Variants in LAMA2 observed in about 807,000 individuals in gnomAD.
LAMA2 encodes the protein laminin subunit alpha 2.
LAMA2 carries 269 observed loss-of-function variants against 364.8 expected under a neutral mutation model. That is an observed-to-expected ratio of 0.74 (90% CI 0.67 to 0.82). The LOEUF (loss-of-function observed/expected upper bound fraction) is 0.82, where lower values mean the gene tolerates loss of function less well. Ranked by LOEUF, LAMA2 falls within the 40% of genes least tolerant of loss-of-function variation. The pLI is 0.00. For missense variants in LAMA2, 3,807 were observed against 3,873.2 expected (o/e 0.98, Z 0.45); for synonymous variants, 1,379 against 1,370.6 (o/e 1.01, Z -0.14).
At chr6:128,976,453 A>G (rs1782535446) in intron 1 of LAMA2, among the ~76,000 whole-genome samples, 1 of 152,172 alleles carries the variant, frequency 6.6e-6, no homozygotes, top group Non-Finnish European at 1.5e-5. Context: ...GGGAAATGGG[A>G]GGTAACATCC....
chr6:129,177,152 C>T (rs1335873600), intron 9 of LAMA2, among the ~76,000 whole-genome samples: 4 of 152,104 alleles, frequency 2.6e-5, no homozygotes, highest in East Asian at 1.9e-4. Flanking sequence ...ACTTTTCATT[C>T]CCCTCATCTA....
intron 22 of LAMA2, among the ~76,000 whole-genome samples, chr6:129,307,613 T>C (rs1386972089): frequency 6.6e-6 from 1 of 152,230 alleles, no homozygotes; most frequent in Non-Finnish European, 1.5e-5. Flanking sequence ...CACAGTCCTG[T>C]GCTTCCTATA....
chr6:129,509,779 C>T (rs915903963), intron 62 of LAMA2, among the ~76,000 whole-genome samples: 1 of 151,976 alleles, frequency 6.6e-6, no homozygotes, highest in Non-Finnish European at 1.5e-5. Context: ...ATTTGAAGTC[C>T]GGTAATGTAA....
rs558585755 is a variant in LAMA2 at position 129,473,399 on chromosome 6, G to A, written c.7439+47G>A. ...GCTAAGGATTAAGTTTTAATTAAATGACCACTATGCTCACTAGAGTTCTGA... is the reference window on the plus strand; with the variant it reads ...GCTAAGGATTAAGTTTTAATTAAATAACCACTATGCTCACTAGAGTTCTGA... On this transcript the variant is annotated intron_variant, in intron 52 of 64. Transcript: ENST00000421865. The A allele has an allele frequency of 3.4e-5, 53 of 1,549,514 alleles. 2 individuals are homozygous for A. In the South Asian group the frequency reaches 5.6e-4, roughly 16 times the overall value.
intron 29 of LAMA2, among the ~76,000 whole-genome samples, chr6:129,340,444 G>A (rs538643824): frequency 2.1e-4 from 32 of 152,022 alleles, no homozygotes; most frequent in Non-Finnish European, 4.4e-4. Context: ...GACAAAGGAC[G>A]GAAACAAATG....
chr6:129,409,751 A>G (rs895657053), intron 40 of LAMA2, among the ~76,000 whole-genome samples: 1 of 152,178 alleles, frequency 6.6e-6, no homozygotes, highest in Non-Finnish European at 1.5e-5. Context: ...TGACACCTCA[A>G]GGACTATTGG....
At chr6:129,012,120 C>G (rs940392562) in intron 1 of LAMA2, among the ~76,000 whole-genome samples, 7 of 152,072 alleles carry the variant, frequency 4.6e-5, no homozygotes, top group Admixed American at 6.5e-5. Context: ...TTCTGCAAAG[C>G]AAAGATAATA....
In LAMA2 at chr6:129,149,112, G is replaced by T. The variant is rs1778648899; in HGVS notation, c.1027+16G>T. ...GAATGTGAAGGTATGTTCTTTAGAA[G>T]CCAACAAAATATGTCATTCTTCCTT... On this transcript the variant is annotated intron_variant, in intron 7 of 64. Coordinates refer to ENST00000421865, the MANE Select transcript of LAMA2 (RefSeq NM_000426.4). 2 of 1,444,744 alleles carry T rather than the reference G, an allele frequency of 1.4e-6. No individual in the cohort carries two copies. Among genetic ancestry groups the T allele is most frequent in the South Asian group, 1.1e-5 (1 of 87,612 alleles). 89.5% of individuals were successfully genotyped at this position (1,444,744 alleles called of 1,614,324 possible). A position where few individuals can be genotyped will look rare whatever the true frequency, so the allele number is the denominator to read the frequency against.
chr6:128,910,541 A>C (rs1310068623), intron 1 of LAMA2, among the ~76,000 whole-genome samples: 34 of 151,804 alleles, frequency 2.2e-4, no homozygotes, highest in East Asian at 5.8e-4. Context: ...CATTCTTCTA[A>C]ATTTTTTTCA....
intron 4 of LAMA2, among the ~76,000 whole-genome samples, chr6:129,138,915 C>G (rs1478798): frequency 0.29 from 44,766 of 151,894 alleles, 8,680 homozygotes; most frequent in African/African-American, 0.56. Context: ...AAAGTTGGCA[C>G]TGAAGGGGAT....
chr6:129,404,752 T>C (rs1250739218), intron 40 of LAMA2, among the ~76,000 whole-genome samples: 2 of 152,146 alleles, frequency 1.3e-5, no homozygotes, highest in African/African-American at 4.8e-5. Context: ...GGGAGAAATC[T>C]GATTGGACAT....
chr6:129,256,746 A>T (rs1000849902), intron 14 of LAMA2, among the ~76,000 whole-genome samples: 19 of 137,338 alleles, frequency 1.4e-4, no homozygotes, highest in Admixed American at 6.2e-4. Context: ...TATATATATA[A>T]AAAACAAATT....
At chr6:129,336,777 A>T (rs1271003452) in intron 29 of LAMA2, among the ~76,000 whole-genome samples, 1 of 152,248 alleles carries the variant, frequency 6.6e-6, no homozygotes, top group Non-Finnish European at 1.5e-5. Flanking sequence ...GTTGCTAAAA[A>T]AATGTGACCC....
intron 12 of LAMA2, among the ~76,000 whole-genome samples, chr6:129,208,535 G>A (rs1782837568): frequency 7.5e-6 from 1 of 133,462 alleles, no homozygotes; most frequent in African/African-American, 3.2e-5. Flanking sequence ...GAAAGAAAGA[G>A]AGAAAGAAAA....
intron 41 of LAMA2, among the ~76,000 whole-genome samples, chr6:129,431,175 G>A (rs1781571175): frequency 6.6e-6 from 1 of 152,086 alleles, no homozygotes; most frequent in South Asian, 2.1e-4. Context: ...GAGGTGGGCA[G>A]ATCACCTGAG....
At chr6:129,243,730 G>GA (rs902888915) in intron 12 of LAMA2, among the ~76,000 whole-genome samples, 55 of 145,640 alleles carry the variant, frequency 3.8e-4, no homozygotes, top group South Asian at 8.7e-4. Context: ...CATTGAAAAA[G>GA]AAAAAAAAAA....
intron 1 of LAMA2, among the ~76,000 whole-genome samples, chr6:129,039,576 G>A (rs937094026): frequency 6.6e-6 from 1 of 152,198 alleles, no homozygotes; most frequent in African/African-American, 2.4e-5. Context: ...AGATTAATGG[G>A]AGTAGAGTCA....
At chr6:129,497,458 G>T (rs543171919) in intron 58 of LAMA2, among the ~76,000 whole-genome samples, 2 of 152,034 alleles carry the variant, frequency 1.3e-5, no homozygotes, top group Admixed American at 1.3e-4. Context: ...GGCTGGTCTC[G>T]AACTCTTGGG....
intron 1 of LAMA2, among the ~76,000 whole-genome samples, chr6:128,950,522 T>C (rs1201804760): frequency 6.6e-6 from 1 of 152,140 alleles, no homozygotes; most frequent in Non-Finnish European, 1.5e-5. Context: ...ACATTTTATT[T>C]ACTCTACAAA....
Sources: allele counts gnomAD v4.1 joint callset (sites outside exome capture counted in the v4.1 genomes callset), GRCh38; gene constraint gnomAD v4.1.1; transcripts MANE v1.5; gene names NCBI Gene and HGNC (gene_info 2026-07-23, HGNC 2026-07-21).